The following RIN2 variants were observed in gnomAD, a reference collection of about 807,000 sequenced individuals.
RIN2 encodes the protein Ras and Rab interactor 2.
RIN2 carries 36 observed loss-of-function variants against 78.0 expected under a neutral mutation model. The observed-to-expected ratio is 0.46, with a 90% confidence interval of 0.35 to 0.61. The LOEUF is 0.61. Ranked by LOEUF, RIN2 falls within the 20% of genes least tolerant of loss-of-function variation. RIN2 has a pLI of 0.00. For missense variants in RIN2, 1,087 were observed against 1,159.7 expected (o/e 0.94, Z 0.91); for synonymous variants, 466 against 466.8 (o/e 1.00, Z 0.02).
intron 1 of RIN2, among the ~76,000 whole-genome samples, chr20:19,775,408 G>A (rs924298634): frequency 2.6e-5 from 4 of 152,214 alleles, no homozygotes; most frequent in Non-Finnish European, 4.4e-5. Context: ...TATTTTGGAT[G>A]TTAGCATCTG....
intron 2 of RIN2, among the ~76,000 whole-genome samples, chr20:19,877,243 T>A (rs549771712): frequency 2.6e-3 from 381 of 148,800 alleles, no homozygotes; most frequent in Non-Finnish European, 3.4e-3. Context: ...GTTTTCCTAT[T>A]ATCTGCAGTA....
intron 2 of RIN2, among the ~76,000 whole-genome samples, chr20:19,823,079 C>A (rs942295305): frequency 6.6e-6 from 1 of 151,434 alleles, no homozygotes; most frequent in African/African-American, 2.4e-5. Flanking sequence ...GCCCATTTTA[C>A]AGATGAGGAA....
intron 1 of RIN2, among the ~76,000 whole-genome samples, chr20:19,761,297 T>C (rs2033631542): frequency 6.6e-6 from 1 of 152,218 alleles, no homozygotes; most frequent in Non-Finnish European, 1.5e-5. Context: ...ATGCAGTGTA[T>C]GTACAGAGCA....
intron 4 of RIN2, among the ~76,000 whole-genome samples, chr20:19,945,478 A>C (rs1489346187): frequency 1.3e-5 from 2 of 152,114 alleles, no homozygotes; most frequent in Non-Finnish European, 2.9e-5. Flanking sequence ...TCCTGCCAGG[A>C]CTGTCTACCC....
chr20:19,941,201 A>C (rs567529128), intron 4 of RIN2, among the ~76,000 whole-genome samples: 13 of 152,342 alleles, frequency 8.5e-5, no homozygotes, highest in African/African-American at 2.9e-4. Flanking sequence ...TCTTCTGGGA[A>C]GCTCTGAGCT....
At chr20:19,785,067 G>C (rs73122219) in intron 1 of RIN2, among the ~76,000 whole-genome samples, 10,843 of 152,114 alleles carry the variant, frequency 0.071, 539 homozygotes, top group Non-Finnish European at 0.1. Context: ...CTCTATCAAC[G>C]GTAGAGGGCG....
At chr20:19,931,640 T>C (rs2040441568) in intron 3 of RIN2, among the ~76,000 whole-genome samples, 1 of 152,204 alleles carries the variant, frequency 6.6e-6, no homozygotes, top group Non-Finnish European at 1.5e-5. Flanking sequence ...CATGTATCTT[T>C]TTCCTTGTGT....
chr20:19,837,549 C>T (rs2036457132), intron 2 of RIN2, among the ~76,000 whole-genome samples: 2 of 152,020 alleles, frequency 1.3e-5, no homozygotes, highest in African/African-American at 4.8e-5. Flanking sequence ...TCTAATTTCA[C>T]CATTGGGATA....
At chr20:19,788,805 T>C (rs1399914227) in intron 1 of RIN2, among the ~76,000 whole-genome samples, 1 of 152,162 alleles carries the variant, frequency 6.6e-6, no homozygotes, top group East Asian at 1.9e-4. Context: ...ACCATGTTCA[T>C]GGATTGAGAT....
At chr20:19,923,661 T>C (rs2040025005) in intron 3 of RIN2, among the ~76,000 whole-genome samples, 1 of 151,996 alleles carries the variant, frequency 6.6e-6, no homozygotes, top group Non-Finnish European at 1.5e-5. Context: ...TTTATTTCCT[T>C]TAGATACTAC....
At chr20:19,762,478 C>T (rs1253976340) in intron 1 of RIN2, among the ~76,000 whole-genome samples, 1 of 152,226 alleles carries the variant, frequency 6.6e-6, no homozygotes, top group Non-Finnish European at 1.5e-5. Flanking sequence ...AGATTTGTTT[C>T]GTAGATTTTT....
chr20:19,781,023 G>A (rs1035210703), intron 1 of RIN2, among the ~76,000 whole-genome samples: 2 of 152,202 alleles, frequency 1.3e-5, no homozygotes, highest in African/African-American at 2.4e-5. Flanking sequence ...CATGATCTTG[G>A]TTGGGTGGCT....
intron 2 of RIN2, among the ~76,000 whole-genome samples, chr20:19,873,618 G>T (rs1482029511): frequency 2.0e-5 from 3 of 152,128 alleles, no homozygotes; most frequent in Non-Finnish European, 2.9e-5. Context: ...ATTTGGCCTA[G>T]AGACCTTCTT....
rs547724022 is a variant in RIN2, at chr20:19,958,448, G to A, written c.351+1641G>A. Among the ~76,000 whole-genome samples the A allele has an allele frequency of 2.0e-5, 3 of 152,386 alleles. No homozygotes were observed. In the South Asian group the frequency reaches 6.2e-4, roughly 32 times the overall value. ...CGTCCACTCTTGCTGAAACCTGCAT[G>A]GGAAACAAGCCAGGCATGTTCTCTC... is the stretch of plus-strand genomic sequence containing the variant. On this transcript the variant is annotated intron_variant, in intron 5 of 12. Transcript: ENST00000255006.
chr20:19,779,361 A>G (rs2034419550), intron 1 of RIN2, among the ~76,000 whole-genome samples: 1 of 152,176 alleles, frequency 6.6e-6, no homozygotes, highest in African/African-American at 2.4e-5. Flanking sequence ...TACCATGCCC[A>G]GGTGCTGAGC....
intron 7 of RIN2, among the ~76,000 whole-genome samples, chr20:19,965,537 T>G (rs742780): frequency 0.17 from 25,271 of 152,276 alleles, 3,090 homozygotes; most frequent in East Asian, 0.54. Flanking sequence ...TCAGGCCAAC[T>G]GGGTGCTCAT....
At chr20:19,913,333 T>G (rs1057488956) in intron 3 of RIN2, among the ~76,000 whole-genome samples, 28 of 152,192 alleles carry the variant, frequency 1.8e-4, no homozygotes, top group African/African-American at 6.8e-4. Context: ...AGCACTTTAG[T>G]GATGGTGTCT....
chr20:19,960,856 G>C (rs751526021), intron 6 of RIN2, 45 bp downstream of exon 6: 19 of 1,191,086 alleles, frequency 1.6e-5, no homozygotes, highest in Admixed American at 2.1e-5. Context: ...CAGGGCCACG[G>C]GGCTCTGCAG....
At chr20:19,950,816 TCTC>T (rs934258602) in intron 4 of RIN2, among the ~76,000 whole-genome samples, 7 of 151,770 alleles carry the variant, frequency 4.6e-5, no homozygotes, top group African/African-American at 1.7e-4. Context: ...TTCAAACAGT[TCTC>T]CTGCCTTAGC....
Sources: gnomAD v4.1 joint callset for allele counts (sites outside exome capture counted in the v4.1 genomes callset) on GRCh38, gnomAD v4.1.1 for gene constraint, MANE v1.5 for transcripts, NCBI Gene and HGNC (gene_info 2026-07-23, HGNC 2026-07-21) for gene names.